Variants in GLT8D2 observed in about 807,000 individuals in gnomAD.
GLT8D2 encodes the protein glycosyltransferase 8 domain-containing protein 2.
In GLT8D2, 45 loss-of-function variants were observed where a neutral mutation model predicts 44.5. That is an observed-to-expected ratio of 1.01 (90% CI 0.80 to 1.30). The LOEUF (loss-of-function observed/expected upper bound fraction) is 1.30. Ranked by LOEUF, GLT8D2 falls within the 50% of genes most tolerant of loss-of-function variation. GLT8D2 has a pLI of 0.00. For synonymous variants in GLT8D2, 156 were observed against 157.2 expected (o/e 0.99, Z 0.06); for missense variants, 400 against 430.4 (o/e 0.93, Z 0.62).
intron 8 of GLT8D2, 22 bp from the exon 9 acceptor site, chr12:103,994,523 A>G: frequency 6.3e-7 from 1 of 1,576,374 alleles, no homozygotes; most frequent in South Asian, 1.2e-5. Context: ...CAGGATGTGC[A>G]TGCTTTTGAC....
rs1163893549 is a variant in GLT8D2, at chr12:103,989,674, C to T, written c.881-97G>A. 5 of 1,134,952 alleles carry T rather than the reference C, an allele frequency of 4.4e-6. No homozygotes were observed. In the Admixed American group the frequency reaches 7.3e-5, roughly 17 times the overall value. The allele number at this position is 1,134,952 out of a possible 1,614,324, so 70.3% of individuals were successfully genotyped here. A position where few individuals can be genotyped will look rare whatever the true frequency, so the allele number is the denominator to read the frequency against. On this transcript the variant is annotated intron_variant, in intron 10 of 10. Coordinates refer to ENST00000360814, the MANE Select transcript of GLT8D2 (RefSeq NM_001384711.1). ...AGTTCATAGTTTAAAAAAAGGTAAA[C>T]AAATAAAAAGGTTATACAGTGAATT...
At chr12:104,050,818 C>CT (rs34098361), upstream of GLT8D2, among the ~76,000 whole-genome samples, 88,726 of 144,348 alleles carry the variant, frequency 0.61, 29,579 homozygotes, top group Non-Finnish European at 0.74. Context: ...TGTAATTTTA[C>CT]TTTTTTTTTT....
intron 1 of GLT8D2, among the ~76,000 whole-genome samples, chr12:104,045,192 C>T (rs1880951639): frequency 6.6e-6 from 1 of 152,164 alleles, no homozygotes; most frequent in Non-Finnish European, 1.5e-5. Flanking sequence ...AGAAAGGACT[C>T]AGCCAGAAGG....
intron 1 of GLT8D2, among the ~76,000 whole-genome samples, chr12:104,025,138 T>A (rs1878424035): frequency 6.6e-6 from 1 of 151,988 alleles, no homozygotes. Flanking sequence ...ATGTGACTTG[T>A]CTTTTCAGTC....
intron 1 of GLT8D2, among the ~76,000 whole-genome samples, chr12:104,021,923 A>G (rs55855994): frequency 0.059 from 1,297 of 21,886 alleles, 38 homozygotes; most frequent in East Asian, 0.21. Flanking sequence ...AAGAAGAAGA[A>G]GAAGAAGAAG....
chr12:104,062,664 G>A (rs1882765705), intron 1 of GLT8D2, among the ~76,000 whole-genome samples: 1 of 151,662 alleles, frequency 6.6e-6, no homozygotes, highest in African/African-American at 2.4e-5. Flanking sequence ...AAATAGAGAT[G>A]GGATCTCACC....
chr12:104,016,819 G>GAAAGAAA (rs1332286622), intron 3 of GLT8D2, among the ~76,000 whole-genome samples: 3 of 66,144 alleles, frequency 4.5e-5, no homozygotes, highest in African/African-American at 1.7e-4. Context: ...AAGAAAGAAA[G>GAAAGAAA]AGAAAGAAAA....
chr12:104,042,790 C>T (rs1880699379), intron 1 of GLT8D2, among the ~76,000 whole-genome samples: 2 of 152,116 alleles, frequency 1.3e-5, no homozygotes, highest in Non-Finnish European at 2.9e-5. Flanking sequence ...ATCACACACA[C>T]ACAAAAATCT....
At chr12:104,006,416 C>T (rs1332196527) in intron 4 of GLT8D2, among the ~76,000 whole-genome samples, 2 of 152,094 alleles carry the variant, frequency 1.3e-5, no homozygotes, top group African/African-American at 4.8e-5. Flanking sequence ...TGGCTGAAAT[C>T]AGTTGGAACC....
chr12:104,058,347 C>T (rs934722069), intron 1 of GLT8D2, among the ~76,000 whole-genome samples: 9 of 152,290 alleles, frequency 5.9e-5, no homozygotes, highest in African/African-American at 2.2e-4. Flanking sequence ...ATTCTCTTAC[C>T]ATCTGCTCAG....
chr12:104,021,139 T>C (rs1274789726), intron 2 of GLT8D2, among the ~76,000 whole-genome samples: 4 of 152,188 alleles, frequency 2.6e-5, no homozygotes, highest in African/African-American at 4.8e-5. Flanking sequence ...AAGAATGTAG[T>C]GGAAAGGAAT....
chr12:104,064,358 T>A, upstream of GLT8D2: 1 of 456,774 alleles, frequency 2.2e-6, no homozygotes, highest in Non-Finnish European at 3.7e-6. This position sits in a 1 kb window ranked among gnomAD's most constrained non-coding sequence, Gnocchi z 7.3. Context: ...GCTGGCCAAG[T>A]CGCCTGGGGT....
At chr12:104,002,252 C>T (rs780953599) in intron 5 of GLT8D2, among the ~76,000 whole-genome samples, 78 of 152,330 alleles carry the variant, frequency 5.1e-4, no homozygotes, top group Non-Finnish European at 5.1e-4. Context: ...AGCCACCTCA[C>T]CCAGCCTACA....
chr12:104,017,426 G>A (rs562564553), intron 3 of GLT8D2, among the ~76,000 whole-genome samples: 16 of 152,248 alleles, frequency 1.1e-4, no homozygotes, highest in East Asian at 1.9e-4. Flanking sequence ...GGATTCAAGC[G>A]ATTCTCCTGC....
chr12:104,053,281 T>C (rs1881879379), upstream of GLT8D2, among the ~76,000 whole-genome samples: 1 of 152,212 alleles, frequency 6.6e-6, no homozygotes, highest in Non-Finnish European at 1.5e-5. Context: ...AGCTTCTTTC[T>C]CCTTTATTCC....
intron 1 of GLT8D2, among the ~76,000 whole-genome samples, chr12:104,022,175 A>C (rs1248226280): frequency 6.6e-6 from 1 of 152,120 alleles, no homozygotes; most frequent in African/African-American, 2.4e-5. Context: ...TTGTAGCCCC[A>C]AGTCACAGCA....
chr12:104,041,019 C>A (rs1880491524), intron 1 of GLT8D2, among the ~76,000 whole-genome samples: 1 of 152,144 alleles, frequency 6.6e-6, no homozygotes, highest in African/African-American at 2.4e-5. Context: ...GTAATCCCAG[C>A]ACCTTGGGAG....
intron 1 of GLT8D2, among the ~76,000 whole-genome samples, chr12:104,042,195 G>A (rs1320929962): frequency 6.6e-6 from 1 of 152,202 alleles, no homozygotes; most frequent in Non-Finnish European, 1.5e-5. Flanking sequence ...GATGCACAGA[G>A]ACTTAAGTGG....
chr12:104,007,613 GATAC>G (rs747161763), intron 4 of GLT8D2, among the ~76,000 whole-genome samples: 2 of 152,150 alleles, frequency 1.3e-5, no homozygotes, highest in Non-Finnish European at 2.9e-5. Context: ...ATCACTATTT[GATAC>G]ATACATATTT....
Sources: gnomAD v4.1 joint callset for allele counts (sites outside exome capture counted in the v4.1 genomes callset) on GRCh38, gnomAD v4.1.1 for gene constraint, Gnocchi (gnomAD v3.1) non-coding constraint, MANE v1.5 for transcripts, NCBI Gene and HGNC (gene_info 2026-07-23, HGNC 2026-07-21) for gene names.